Variants in TNFRSF21 observed in about 807,000 individuals in gnomAD.
The protein encoded by TNFRSF21 is tumor necrosis factor receptor superfamily member 21.
A neutral mutation model predicts 45.6 loss-of-function variants in TNFRSF21; 19 were observed. The observed-to-expected ratio is 0.42, with a 90% confidence interval of 0.29 to 0.61. The LOEUF (loss-of-function observed/expected upper bound fraction) is 0.61, where lower values mean the gene tolerates loss of function less well. Among genes scored for constraint, TNFRSF21 ranks in the 20% least tolerant of loss-of-function variants. The pLI is 0.23. For missense variants in TNFRSF21, 737 were observed against 851.5 expected, an observed-to-expected ratio of 0.87 and a Z score of 1.67; for synonymous variants, 314 against 335.5, an observed-to-expected ratio of 0.94 and a Z score of 0.70.
rs867054043 is a variant in TNFRSF21 at position 47,300,335 on chromosome 6, C to T, written c.96+9081G>A. ...TCACTGCTTTCAATATCACCTGCTC[C>T]TTCCTATCTCGCCATCAGCAAATCT... is the stretch of plus-strand genomic sequence containing the variant. On this transcript the variant is annotated intron_variant, in intron 1 of 5. Transcript: ENST00000296861. Among the ~76,000 whole-genome samples, 5 of 152,158 alleles carry T rather than the reference C, an allele frequency of 3.3e-5. No homozygotes were observed. In the South Asian group the frequency reaches 1.0e-3, roughly 32 times the overall value.
chr6:47,293,139 C>A (rs1762750823), intron 1 of TNFRSF21, among the ~76,000 whole-genome samples: 3 of 152,118 alleles, frequency 2.0e-5, no homozygotes, highest in Admixed American at 6.6e-5. Flanking sequence ...CATATTGGTG[C>A]CTAATTACAT....
chr6:47,255,797 G>A (rs1490089335), intron 3 of TNFRSF21, among the ~76,000 whole-genome samples: 1 of 151,902 alleles, frequency 6.6e-6, no homozygotes, highest in Non-Finnish European at 1.5e-5. Flanking sequence ...ACGCTCACCT[G>A]CCCTGATAAC....
At chr6:47,305,676 T>C (rs1173670654) in intron 1 of TNFRSF21, among the ~76,000 whole-genome samples, 2 of 152,198 alleles carry the variant, frequency 1.3e-5, no homozygotes, top group African/African-American at 2.4e-5. Context: ...AGAAAAACAC[T>C]ATTACTTGGC....
intron 1 of TNFRSF21, among the ~76,000 whole-genome samples, chr6:47,296,603 G>A (rs578099935): frequency 1.1e-3 from 170 of 152,286 alleles, no homozygotes; most frequent in African/African-American, 3.8e-3. Flanking sequence ...AGGGCTGAAC[G>A]TTGAGCTGAT....
At chr6:47,242,635 A>G (rs2113845296) in intron 4 of TNFRSF21, among the ~76,000 whole-genome samples, 1 of 152,314 alleles carries the variant, frequency 6.6e-6, no homozygotes, top group South Asian at 2.1e-4. Flanking sequence ...AAGGGGGGGC[A>G]GCCCCGCCCC....
intron 4 of TNFRSF21, among the ~76,000 whole-genome samples, chr6:47,242,800 C>T (rs1190392290): frequency 2.0e-5 from 3 of 152,204 alleles, no homozygotes; most frequent in Non-Finnish European, 4.4e-5. Flanking sequence ...GGAGCCCACT[C>T]ACGTTTGAAA....
chr6:47,240,779 G>A (rs1238911727), intron 4 of TNFRSF21, among the ~76,000 whole-genome samples: 1 of 152,112 alleles, frequency 6.6e-6, no homozygotes, highest in Non-Finnish European at 1.5e-5. Flanking sequence ...AGATAAATAT[G>A]AGAGATTCTG....
At chr6:47,272,761 A>G (rs1762441675) in intron 3 of TNFRSF21, among the ~76,000 whole-genome samples, 1 of 152,028 alleles carries the variant, frequency 6.6e-6, no homozygotes, top group Non-Finnish European at 1.5e-5. Context: ...AAATTGGTAG[A>G]CCATTAGCAA....
At position 47,239,195 on chromosome 6, in the gene TNFRSF21, AG is replaced by A. The variant is rs1190081713; in HGVS notation, c.1510-4298del. Reference sequence around the variant, plus strand: ...CAGCTGCTCAGGAGGCTGAGGCAGGAGGATTGCTTGAACTGGGGAGGCGGAG... The same window carrying A: ...CAGCTGCTCAGGAGGCTGAGGCAGGAGATTGCTTGAACTGGGGAGGCGGAG... On this transcript the variant is annotated intron_variant, in intron 4 of 5. Coordinates refer to ENST00000296861, the MANE Select transcript of TNFRSF21 (RefSeq NM_014452.5). Among the ~76,000 whole-genome samples, 4 of 143,040 alleles carry A rather than the reference AG, an allele frequency of 2.8e-5. No individual in the cohort carries two copies. In the Admixed American group the frequency reaches 2.9e-4, roughly 11 times the overall value. 93.8% of individuals were successfully genotyped at this position (143,040 alleles called of 152,430 possible). A position where few individuals can be genotyped will look rare whatever the true frequency, so the allele number is the denominator to read the frequency against.
At chr6:47,262,303 C>CA (rs755142286) in intron 3 of TNFRSF21, among the ~76,000 whole-genome samples, 6 of 152,134 alleles carry the variant, frequency 3.9e-5, no homozygotes, top group Non-Finnish European at 5.9e-5. Flanking sequence ...TTCCACTGGG[C>CA]AAAAAACAAA....
chr6:47,294,700 T>C lies in TNFRSF21; in HGVS notation c.97-8105A>G, dbSNP rs568332714. On this transcript the variant is annotated intron_variant, in intron 1 of 5. Coordinates refer to ENST00000296861, the MANE Select transcript of TNFRSF21 (RefSeq NM_014452.5). The stretch of plus-strand genomic sequence containing the variant: ...AAAATTCCCTCCTCATTTCTTTCTT[T>C]TTTTTTTGAGGGGGGCCAGGGGTTC... Among the ~76,000 whole-genome samples the C allele has an allele frequency of 4.2e-3, 644 of 152,052 alleles. 2 individuals are homozygous for C. The highest frequency in any genetic ancestry group is 0.015 in the African/African-American group (604 of 41,432).
intron 3 of TNFRSF21, among the ~76,000 whole-genome samples, chr6:47,256,931 C>A (rs770487536): frequency 3.3e-5 from 5 of 152,122 alleles, no homozygotes; most frequent in Admixed American, 6.6e-5. Flanking sequence ...TGGCTTTGGG[C>A]AAACCTCTAA....
chr6:47,248,300 G>A lies in TNFRSF21; in HGVS notation c.1509+4956C>T, dbSNP rs570919643. 5.9e-5 allele frequency among the ~76,000 whole-genome samples: 9 copies of A among 152,202 alleles called. No homozygotes were observed. The South Asian group carries it at 1.7e-3, about 28-fold the overall frequency. On this transcript the variant is annotated intron_variant, in intron 4 of 5. Transcript: ENST00000296861. Reference sequence around the variant, plus strand: ...AAATTAATTTTGATAACCACTCAGAGTGTGAAGGGCAGGTTCTGTAATTCC... The same window carrying A: ...AAATTAATTTTGATAACCACTCAGAATGTGAAGGGCAGGTTCTGTAATTCC...
chr6:47,277,927 G>A (rs1271876027), intron 3 of TNFRSF21, among the ~76,000 whole-genome samples: 1 of 151,966 alleles, frequency 6.6e-6, no homozygotes, highest in Non-Finnish European at 1.5e-5. Flanking sequence ...GTCTGCTAAC[G>A]CCACGCACAA....
At chr6:47,257,544 T>C (rs986906530) in intron 3 of TNFRSF21, among the ~76,000 whole-genome samples, 9 of 152,182 alleles carry the variant, frequency 5.9e-5, no homozygotes, top group African/African-American at 2.2e-4. Context: ...ATGCCTTCCT[T>C]GTGTAGGAAA....
chr6:47,301,797 A>G (rs962425933), intron 1 of TNFRSF21, among the ~76,000 whole-genome samples: 1 of 152,244 alleles, frequency 6.6e-6, no homozygotes, highest in African/African-American at 2.4e-5. Context: ...CTTCTTGTAC[A>G]GCCTGCAGAA....
At chr6:47,242,164 A>C (rs1764753702) in intron 4 of TNFRSF21, among the ~76,000 whole-genome samples, 1 of 152,112 alleles carries the variant, frequency 6.6e-6, no homozygotes, top group Non-Finnish European at 1.5e-5. Flanking sequence ...CTCACCCACC[A>C]TCAGGGGAAT....
intron 4 of TNFRSF21, among the ~76,000 whole-genome samples, chr6:47,248,108 A>G (rs529118474): frequency 1.8e-4 from 27 of 152,264 alleles, no homozygotes; most frequent in African/African-American, 6.0e-4. Flanking sequence ...TGTTTTTAAT[A>G]CCATCATTTT....
Position 47,282,408 on chromosome 6 carries a change from C to A in TNFRSF21, c.1243+1530G>T, listed in dbSNP as rs373704505. 9.0e-4 allele frequency among the ~76,000 whole-genome samples: 128 copies of A among 141,968 alleles called. 1 individual carries two copies. The highest frequency in any genetic ancestry group is 3.3e-3 in the African/African-American group (124 of 37,980). 93.1% of individuals were successfully genotyped at this position (141,968 alleles called of 152,430 possible). A position where few individuals can be genotyped will look rare whatever the true frequency, so the allele number is the denominator to read the frequency against. On this transcript the variant is annotated intron_variant, in intron 3 of 5. Coordinates refer to ENST00000296861, the MANE Select transcript of TNFRSF21 (RefSeq NM_014452.5). Reference sequence around the variant, plus strand: ...TCAAAAAAAAAATAAAAAAAAAAAACCCTCAGAAAGTTTATGAATTTGTGT... The same window carrying A: ...TCAAAAAAAAAATAAAAAAAAAAAAACCTCAGAAAGTTTATGAATTTGTGT...
Sources: allele counts gnomAD v4.1 joint callset (sites outside exome capture counted in the v4.1 genomes callset), GRCh38; gene constraint gnomAD v4.1.1; transcripts MANE v1.5; gene names NCBI Gene and HGNC (gene_info 2026-07-23, HGNC 2026-07-21).